The following MPIG6B variants were observed in gnomAD, a reference collection of about 807,000 sequenced individuals.
MPIG6B encodes the protein megakaryocyte and platelet inhibitory receptor G6b.
In MPIG6B, 22 loss-of-function variants were observed where a neutral mutation model predicts 24.2. The observed-to-expected ratio is 0.91, with a 90% CI of 0.65 to 1.30. MPIG6B has a LOEUF of 1.30. MPIG6B is among the 50% of genes most tolerant of loss of function. MPIG6B has a pLI of 0.00. For missense variants in MPIG6B, 301 were observed against 318.5 expected, an observed-to-expected ratio of 0.94 and a Z score of 0.42; for synonymous variants, 136 against 142.0, an observed-to-expected ratio of 0.96 and a Z score of 0.30.
upstream of MPIG6B, chr6:31,721,551 G>T: frequency 1.4e-6 from 2 of 1,384,762 alleles, no homozygotes; most frequent in Non-Finnish European, 2.0e-6. Context: ...GTGGTGGGTA[G>T]GGCCGGGAAG....
upstream of MPIG6B, chr6:31,720,326 C>T: frequency 3.0e-6 from 2 of 661,948 alleles, no homozygotes; most frequent in Non-Finnish European, 2.7e-6. This position sits in a 1 kb window ranked among gnomAD's most constrained non-coding sequence, Gnocchi z 4.9. Context: ...ACCTGTTTGG[C>T]TGTTTGGTCT....
At position 31,724,429 on chromosome 6, in the gene MPIG6B, A is replaced by C. The variant is rs372623741; in HGVS notation, c.501-158A>C. On this transcript the variant is annotated intron_variant, in intron 3 of 5. Transcript: ENST00000649779. ...ACCAGAGCAGATGAGCTGGAAGTGC[A>C]GCAGAGTTAGAGCCTGGGCTGGACT... Among the ~76,000 whole-genome samples, 5 of 152,242 alleles carry C rather than the reference A, an allele frequency of 3.3e-5. No individual in the cohort carries two copies. The East Asian group carries it at 5.8e-4, about 18-fold the overall frequency.
upstream of MPIG6B, chr6:31,723,208 C>A: frequency 1.5e-6 from 1 of 652,960 alleles, no homozygotes; most frequent in Non-Finnish European, 2.8e-6. This position sits in a 1 kb window ranked among gnomAD's most constrained non-coding sequence, Gnocchi z 4.3. Context: ...TTTGAAGACT[C>A]CGAGTTTGCC....
upstream of MPIG6B, chr6:31,722,976 GTTT>G (rs942696766): frequency 6.5e-5 from 19 of 292,572 alleles, no homozygotes; most frequent in African/African-American, 2.7e-4. Flanking sequence ...CAAAACAGGA[GTTT>G]TTTTTGTTGT....
chr6:31,721,562 T>A, upstream of MPIG6B: 1 of 1,471,758 alleles, frequency 6.8e-7, no homozygotes, highest in Non-Finnish European at 9.4e-7. Flanking sequence ...GGCCGGGAAG[T>A]GGGTAGAGCA....
upstream of MPIG6B, chr6:31,721,590 C>T: frequency 2.5e-6 from 4 of 1,606,346 alleles, no homozygotes; most frequent in Non-Finnish European, 3.4e-6. Flanking sequence ...AAGGTCCTGA[C>T]CAGGCAAACC....
chr6:31,723,279 C>A, upstream of MPIG6B: 1 of 882,950 alleles, frequency 1.1e-6, no homozygotes, highest in South Asian at 1.4e-5. This position sits in a 1 kb window ranked among gnomAD's most constrained non-coding sequence, Gnocchi z 4.3. Flanking sequence ...TTATCGGAGC[C>A]CCCCAGCCCC....
At chr6:31,722,114 A>G (rs748938836), upstream of MPIG6B, among the ~76,000 whole-genome samples, 1 of 152,136 alleles carries the variant, frequency 6.6e-6, no homozygotes, top group Admixed American at 6.5e-5. Context: ...GGCCCAAATT[A>G]ATTGCTGAAT....
chr6:31,724,770 C>T lies in MPIG6B; in HGVS notation c.547C>T (p.Leu183Phe). 1.2e-6 allele frequency: 2 copies of T among 1,614,100 alleles called. No individual in the cohort carries two copies. Among genetic ancestry groups the T allele is most frequent in the Non-Finnish European group, 1.7e-6 (2 of 1,180,018 alleles). ...GCTCTGTCCCCCCCACATAGCTCCA[C>T]TTGTGAAAACCGAGCCCCAGAGGCC... ...PIRPLPRFAP[L>F]VKTEPQRPVK... The change falls in exon 5 of 6, where the codon CTT becomes TTT. Residue 183 changes from leucine (L) to phenylalanine (F), a missense_variant. Leu to Phe is a conservative substitution (Grantham distance 22). Transcript: ENST00000649779.
chr6:31,721,867 G>A (rs1164430131), upstream of MPIG6B: 6 of 633,252 alleles, frequency 9.5e-6, no homozygotes, highest in Non-Finnish European at 1.7e-5. Flanking sequence ...GGGGTGGGAA[G>A]GCACTGAGCA....
At position 31,723,881 on chromosome 6, in the gene MPIG6B, G is replaced by A. The variant is rs1562173162; in HGVS notation, c.304G>A (p.Asp102Asn). Residue 102 changes from aspartate (D) to asparagine (N), a missense_variant, in exon 2 of 6, where the codon GAC becomes AAC. Transcript: ENST00000649779. The surrounding 1 kb of genome is among the most constrained non-coding windows in gnomAD (Gnocchi z 4.3). ...GCTGGAGCTCCTCTTGAGCGCGGGG[G>A]ACTCGGGCACTTTTTTCTGCAAGGG... ...RRLELLLSAG[D>N]SGTFFCKGRH... 2 of 1,609,318 alleles carry A rather than the reference G, an allele frequency of 1.2e-6. No individual in the cohort carries two copies. The highest frequency in any genetic ancestry group is 2.2e-5 in the East Asian group (1 of 44,830).
Position 31,725,192 on chromosome 6 carries a change from A to G in MPIG6B, c.*118A>G. 1.4e-6 allele frequency: 1 copy of G among 718,606 alleles called. No individual in the cohort carries two copies. Among genetic ancestry groups the G allele is most frequent in the Non-Finnish European group, 2.3e-6 (1 of 426,542 alleles). The allele number at this position is 718,606 out of a possible 1,614,324, so 44.5% of individuals were successfully genotyped here. A position where few individuals can be genotyped will look rare whatever the true frequency, so the allele number is the denominator to read the frequency against. On this transcript the variant is annotated 3_prime_UTR_variant, in exon 6 of 6. Transcript: ENST00000649779. The surrounding 1 kb of genome is among the most constrained non-coding windows in gnomAD (Gnocchi z 5.2). The stretch of plus-strand genomic sequence containing the variant: ...GCACCATGGTATAGAAATAAGTGCT[A>G]GACTGGGAGTTGGGAGACCTGGGTT...
rs1446382206 is a variant in MPIG6B at position 31,725,645 on chromosome 6, T to G, written c.*571T>G. The G allele has an allele frequency of 6.5e-6, 1 of 152,982 alleles. No individual in the cohort carries two copies. Among genetic ancestry groups the G allele is most frequent in the East Asian group, 1.9e-4 (1 of 5,210 alleles). The allele number at this position is 152,982 out of a possible 1,614,324, so 9.5% of individuals were successfully genotyped here. On this transcript the variant is annotated 3_prime_UTR_variant, in exon 6 of 6. Coordinates refer to ENST00000649779, the MANE Select transcript of MPIG6B (RefSeq NM_138272.3). This position sits in a 1 kb window ranked among gnomAD's most constrained non-coding sequence, Gnocchi z 5.2. ...CCCGGCCTGATTCTTTAAGCTGTTT[T>G]TCTTTGTTGCTGGTGTTTTCTTTTT...
chr6:31,722,559 A>G (rs1806870690), upstream of MPIG6B, among the ~76,000 whole-genome samples: 1 of 152,216 alleles, frequency 6.6e-6, no homozygotes, highest in Admixed American at 6.5e-5. Context: ...AAGCTAAAAT[A>G]AGAATAGAAA....
At chr6:31,721,741 A>G (rs1215975475), upstream of MPIG6B, 1 of 1,577,260 alleles carries the variant, frequency 6.3e-7, no homozygotes, top group Non-Finnish European at 8.7e-7. Flanking sequence ...TCAAGGATCC[A>G]GCTCTAGGAG....
chr6:31,725,748 ACT>A lies in MPIG6B; in HGVS notation c.*678_*679del, dbSNP rs1412260233. 6.6e-6 allele frequency: 1 copy of A among 152,090 alleles called. No individual in the cohort carries two copies. The highest frequency in any genetic ancestry group is 1.5e-5 in the Non-Finnish European group (1 of 68,018). 9.4% of individuals were successfully genotyped at this position (152,090 alleles called of 1,614,324 possible). A position where few individuals can be genotyped will look rare whatever the true frequency, so the allele number is the denominator to read the frequency against. ...TTGTCCCTTTCTCTTCTTCTGGGACACTCTCATCAACAGTCAGTCCTCAGCCC... is the reference window on the plus strand; with the variant it reads ...TTGTCCCTTTCTCTTCTTCTGGGACACTCATCAACAGTCAGTCCTCAGCCC... On this transcript the variant is annotated 3_prime_UTR_variant, in exon 6 of 6. Transcript: ENST00000649779. This position sits in a 1 kb window ranked among gnomAD's most constrained non-coding sequence, Gnocchi z 5.2.
upstream of MPIG6B, among the ~76,000 whole-genome samples, chr6:31,720,770 T>C (rs1806731869): frequency 6.6e-6 from 1 of 152,176 alleles, no homozygotes; most frequent in South Asian, 2.1e-4. The surrounding 1 kb of genome is among the most constrained non-coding windows in gnomAD (Gnocchi z 4.9). Context: ...CCAGTAGCTC[T>C]TCAGCAGAAA....
upstream of MPIG6B, chr6:31,723,361 C>T (rs1806962040): frequency 2.5e-6 from 4 of 1,610,148 alleles, no homozygotes; most frequent in Non-Finnish European, 3.4e-6. This position sits in a 1 kb window ranked among gnomAD's most constrained non-coding sequence, Gnocchi z 4.3. Context: ...TCGCTCGCAG[C>T]TTCTCCTCAC....
intron 5 of MPIG6B, 26 bp downstream of exon 5, chr6:31,724,870 A>G: frequency 1.2e-6 from 2 of 1,612,374 alleles, no homozygotes; most frequent in Non-Finnish European, 1.7e-6. Flanking sequence ...TGGGAAGGGG[A>G]TAGCCAGAAT....
Sources: allele counts gnomAD v4.1 joint callset (sites outside exome capture counted in the v4.1 genomes callset), GRCh38; gene constraint gnomAD v4.1.1; non-coding constraint Gnocchi (gnomAD v3.1); transcripts MANE v1.5; gene names NCBI Gene and HGNC (gene_info 2026-07-23, HGNC 2026-07-21).